QTMAN: variants seen among roughly 807,000 people sequenced by gnomAD.
QTMAN encodes tRNA-queuosine alpha-mannosyltransferase.
the QTMAN span, among the ~76,000 whole-genome samples, chr2:144,088,112 AC>A: frequency 2.0e-5 from 3 of 152,102 alleles, no homozygotes; most frequent in Non-Finnish European, 1.5e-5. Context: ...GTTGCAGGAC[AC>A]AAAATCAATG....
At chr2:144,034,699 A>C in the QTMAN span, among the ~76,000 whole-genome samples, 1 of 152,198 alleles carries the variant, frequency 6.6e-6, no homozygotes, top group Admixed American at 6.5e-5. Context: ...TACAGTATAT[A>C]CGTTTCATTC....
the QTMAN span, among the ~76,000 whole-genome samples, chr2:144,039,029 G>GT: frequency 6.6e-6 from 1 of 152,004 alleles, no homozygotes; most frequent in Non-Finnish European, 1.5e-5. Flanking sequence ...AAATTACTTA[G>GT]TTTTAGCCCA....
the QTMAN span, chr2:143,952,134 T>TA: frequency 1.1e-6 from 1 of 923,758 alleles, no homozygotes; most frequent in Non-Finnish European, 1.8e-6. Flanking sequence ...CACTCGATAT[T>TA]AGTCACTTTA....
the QTMAN span, among the ~76,000 whole-genome samples, chr2:144,111,288 T>A: frequency 6.6e-6 from 1 of 152,146 alleles, no homozygotes; most frequent in Non-Finnish European, 1.5e-5. Context: ...GCTATAACCA[T>A]CCTAACTGCT....
the QTMAN span, among the ~76,000 whole-genome samples, chr2:144,070,942 T>C: frequency 6.6e-6 from 1 of 152,092 alleles, no homozygotes; most frequent in Non-Finnish European, 1.5e-5. Flanking sequence ...AAAGCATTAA[T>C]GAATAGGAAC....
At chr2:144,077,827 T>TA in the QTMAN span, among the ~76,000 whole-genome samples, 1 of 152,216 alleles carries the variant, frequency 6.6e-6, no homozygotes, top group Non-Finnish European at 1.5e-5. Context: ...TAAGCAATTT[T>TA]AACAATGATT....
chr2:144,278,537 CCTT>C, the QTMAN span, among the ~76,000 whole-genome samples: 2 of 150,576 alleles, frequency 1.3e-5, no homozygotes, highest in African/African-American at 2.5e-5. Context: ...TGAGTGTTTT[CCTT>C]CTTTTTTTTT....
At chr2:144,158,234 TTCCAACAG>T in the QTMAN span, among the ~76,000 whole-genome samples, 1 of 152,012 alleles carries the variant, frequency 6.6e-6, no homozygotes, top group Non-Finnish European at 1.5e-5. Context: ...CCCAAGAATA[TTCCAACAG>T]TCCTTGAAAA....
the QTMAN span, among the ~76,000 whole-genome samples, chr2:144,133,201 ATATT>A: frequency 3.8e-5 from 3 of 79,614 alleles, no homozygotes; most frequent in Admixed American, 2.1e-4. Context: ...TTATATATAT[ATATT>A]TATATATACA....
the QTMAN span, among the ~76,000 whole-genome samples, chr2:144,104,295 G>A: frequency 9.4e-4 from 143 of 152,284 alleles, 1 homozygote; most frequent in Admixed American, 1.6e-3. Context: ...AGCATGAGCC[G>A]AAGCAGGGCG....
the QTMAN span, among the ~76,000 whole-genome samples, chr2:144,065,941 G>A: frequency 6.6e-6 from 1 of 152,092 alleles, no homozygotes; most frequent in Admixed American, 6.6e-5. Flanking sequence ...AAGCTTAAAA[G>A]GCGGTGGCCA....
chr2:144,040,418 A>G, the QTMAN span, among the ~76,000 whole-genome samples: 2 of 152,000 alleles, frequency 1.3e-5, no homozygotes, highest in Non-Finnish European at 2.9e-5. Context: ...TAAAAGAATA[A>G]AAAATGCTCA....
At chr2:144,222,178 G>A in the QTMAN span, among the ~76,000 whole-genome samples, 1 of 151,718 alleles carries the variant, frequency 6.6e-6, no homozygotes, top group East Asian at 2.0e-4. Flanking sequence ...TCCTGCCTCA[G>A]CCTCCCAAGT....
chr2:144,206,798 A>G, the QTMAN span, among the ~76,000 whole-genome samples: 68,693 of 152,044 alleles, frequency 0.45, 17,439 homozygotes, highest in East Asian at 0.7. Context: ...TCACACACAT[A>G]TATTTGTGAT....
chr2:144,022,654 C>T, the QTMAN span, among the ~76,000 whole-genome samples: 2,669 of 148,036 alleles, frequency 0.018, 31 homozygotes, highest in Non-Finnish European at 0.027. Context: ...ACTTCCGCCT[C>T]CCAGGTATAA....
At chr2:144,318,610 C>T in the QTMAN span, among the ~76,000 whole-genome samples, 16 of 152,164 alleles carry the variant, frequency 1.1e-4, no homozygotes, top group African/African-American at 3.9e-4. Context: ...AGATCTTTTT[C>T]CTAGCAGGAT....
the QTMAN span, among the ~76,000 whole-genome samples, chr2:144,012,298 T>G: frequency 3.3e-5 from 5 of 152,156 alleles, no homozygotes; most frequent in African/African-American, 9.7e-5. Flanking sequence ...ACAGTCCCCA[T>G]GTCCAAACAC....
the QTMAN span, among the ~76,000 whole-genome samples, chr2:144,280,109 T>A: frequency 2.0e-5 from 3 of 152,162 alleles, no homozygotes; most frequent in African/African-American, 7.2e-5. Context: ...ATTTCCCAAA[T>A]AAACACTAGT....
At chr2:144,193,586 T>A in the QTMAN span, among the ~76,000 whole-genome samples, 2 of 151,710 alleles carry the variant, frequency 1.3e-5, no homozygotes, top group African/African-American at 4.8e-5. Context: ...AATGACAGGA[T>A]CGTAGCTCAT....
Sources: gnomAD v4.1 joint callset for allele counts (sites outside exome capture counted in the v4.1 genomes callset) on GRCh38, gnomAD v4.1.1 for gene constraint, MANE v1.5 for transcripts, NCBI Gene and HGNC (gene_info 2026-07-23, HGNC 2026-07-21) for gene names.